The following PCNX2 variants were observed in gnomAD, a reference collection of about 807,000 sequenced individuals.
PCNX2 encodes pecanex 2.
Under a neutral mutation model 223.8 loss-of-function variants are expected in PCNX2, and 168 were observed. The ratio of observed to expected loss-of-function variants is 0.75; its 90% CI spans 0.66 to 0.85. PCNX2 has a LOEUF of 0.85. Among genes scored for constraint, PCNX2 ranks in the 40% least tolerant of loss-of-function variants. The pLI is 0.00. For synonymous variants in PCNX2, 1,006 were observed against 1,052.6 expected (o/e 0.96, Z 0.86); for missense variants, 2,507 against 2,675.5 (o/e 0.94, Z 1.39).
Position 232,986,338 on chromosome 1 carries a change from G to A in PCNX2, c.5994C>T (p.Pro1998=), listed in dbSNP as rs1174722167. Residue 1998 remains proline (P), a synonymous_variant, in exon 33 of 34, where the codon CCC becomes CCT. Coordinates refer to ENST00000258229, the MANE Select transcript of PCNX2 (RefSeq NM_014801.4). The part of the protein sequence containing the change: ...HASATSLHSQ[P]PPVTTTGHLS... ...GGTGGCCGGTGGTGGTGACGGGCGG[G>A]GGCTGAGAGTGCAGGGACGTGGCCG... 5 of 1,596,688 alleles carry A rather than the reference G, an allele frequency of 3.1e-6. No individual in the cohort carries two copies. Among genetic ancestry groups the A allele is most frequent in the Non-Finnish European group, 1.7e-6 (2 of 1,172,364 alleles).
chr1:233,213,787 G>A (rs1264234388), intron 12 of PCNX2, among the ~76,000 whole-genome samples: 2 of 148,056 alleles, frequency 1.4e-5, no homozygotes, highest in African/African-American at 5.0e-5. Context: ...GCCTGCACCA[G>A]GCATATTACA....
chr1:233,039,143 C>T (rs1671558872), intron 25 of PCNX2, among the ~76,000 whole-genome samples: 1 of 152,188 alleles, frequency 6.6e-6, no homozygotes, highest in Non-Finnish European at 1.5e-5. Context: ...AGAATGAATT[C>T]TGGTAAAACC....
At chr1:233,142,355 T>C (rs982101992) in intron 19 of PCNX2, among the ~76,000 whole-genome samples, 2 of 152,196 alleles carry the variant, frequency 1.3e-5, no homozygotes, top group South Asian at 4.1e-4. Flanking sequence ...AAATAAAGTC[T>C]ATGAGGTACA....
chr1:233,286,825 T>G (rs574987143), intron 1 of PCNX2, among the ~76,000 whole-genome samples: 1 of 151,856 alleles, frequency 6.6e-6, no homozygotes, highest in Admixed American at 6.6e-5. Flanking sequence ...GCCAAGGACA[T>G]CAGAAACATC....
chr1:232,986,611 GGTGGCCT>G, intron 32 of PCNX2, 71 bp from the exon 33 acceptor site: 1 of 1,390,296 alleles, frequency 7.2e-7, no homozygotes, highest in Non-Finnish European at 9.5e-7. Flanking sequence ...TGGTGCAGCA[GGTGGCCT>G]GCTCTGCCTG....
At chr1:233,134,291 T>C (rs1676679643) in intron 21 of PCNX2, among the ~76,000 whole-genome samples, 3 of 152,270 alleles carry the variant, frequency 2.0e-5, no homozygotes, top group Admixed American at 1.3e-4. Context: ...TTCATTACAG[T>C]GATCAGGCTA....
intron 23 of PCNX2, among the ~76,000 whole-genome samples, chr1:233,075,014 C>A (rs1025735978): frequency 1.3e-5 from 2 of 151,980 alleles, no homozygotes; most frequent in Non-Finnish European, 2.9e-5. Flanking sequence ...AGTTTTACAG[C>A]TTCTTTAAAA....
chr1:233,300,038 A>G (rs1007019320), upstream of PCNX2, among the ~76,000 whole-genome samples: 1 of 151,910 alleles, frequency 6.6e-6, no homozygotes, highest in African/African-American at 2.4e-5. Context: ...TTCTTTGCAT[A>G]CTGCATGTTT....
chr1:233,082,985 G>A (rs765871140), intron 23 of PCNX2, among the ~76,000 whole-genome samples: 7 of 152,134 alleles, frequency 4.6e-5, no homozygotes, highest in African/African-American at 9.7e-5. Flanking sequence ...AGTTGAGAGC[G>A]GAAACGTAAA....
chr1:233,115,817 C>A (rs777926154), intron 21 of PCNX2, among the ~76,000 whole-genome samples: 2 of 152,034 alleles, frequency 1.3e-5, no homozygotes, highest in Non-Finnish European at 2.9e-5. Context: ...ACTACCATAT[C>A]AATGATTACA....
intron 21 of PCNX2, among the ~76,000 whole-genome samples, chr1:233,117,765 C>T (rs1045524524): frequency 6.6e-6 from 1 of 151,768 alleles, no homozygotes; most frequent in Non-Finnish European, 1.5e-5. Flanking sequence ...AATCCCAGCA[C>T]TTTGGGAGGC....
intron 25 of PCNX2, among the ~76,000 whole-genome samples, chr1:233,044,728 G>A (rs1671768709): frequency 6.6e-6 from 1 of 151,848 alleles, no homozygotes; most frequent in Non-Finnish European, 1.5e-5. Context: ...GGGTGCAATG[G>A]CGTGATCTTG....
At chr1:233,084,170 G>A (rs1572086065) in intron 23 of PCNX2, among the ~76,000 whole-genome samples, 1 of 152,154 alleles carries the variant, frequency 6.6e-6, no homozygotes, top group Non-Finnish European at 1.5e-5. Flanking sequence ...ACACCTAACC[G>A]AGCGTATGTG....
chr1:233,081,994 T>TTGTGTGTG lies in PCNX2; in HGVS notation c.4076+8059_4076+8066dup, dbSNP rs57675075. Among the ~76,000 whole-genome samples, 65 of 148,382 alleles carry TTGTGTGTG rather than the reference T, an allele frequency of 4.4e-4. 1 individual carries two copies. Among genetic ancestry groups the TTGTGTGTG allele is most frequent in the African/African-American group, 1.5e-3 (59 of 40,572 alleles). ...GCATTAACTGGCATTCTGTGTGTGT[T>TTGTGTGTG]TGTGTGTGTGTGTGTGTGTGTGTGT... is the stretch of plus-strand genomic sequence containing the variant. On this transcript the variant is annotated intron_variant, in intron 23 of 33. Coordinates refer to ENST00000258229, the MANE Select transcript of PCNX2 (RefSeq NM_014801.4).
rs1659568250 is a variant in PCNX2 at position 233,253,457 on chromosome 1, ATC to A, written c.1835-671_1835-670del. 6.6e-6 allele frequency among the ~76,000 whole-genome samples: 1 copy of A among 152,106 alleles called. No individual in the cohort carries two copies. The highest frequency in any genetic ancestry group is 1.5e-5 in the Non-Finnish European group (1 of 68,024). On this transcript the variant is annotated intron_variant, in intron 5 of 33. Transcript: ENST00000258229. This position sits in a 1 kb window ranked among gnomAD's most constrained non-coding sequence, Gnocchi z 4.2. ...CCTCTTGGGCACAAGTGACTCTCCT[ATC>A]TCTGCCTCCCAAGCAGCTGGGATGA... is the stretch of plus-strand genomic sequence containing the variant.
chr1:233,267,008 T>A (rs1031549825), intron 1 of PCNX2, among the ~76,000 whole-genome samples: 9 of 152,016 alleles, frequency 5.9e-5, no homozygotes, highest in Admixed American at 5.9e-4. Context: ...ACTCTGTTTT[T>A]TTTTCTCTCT....
At chr1:233,167,674 A>T in intron 17 of PCNX2, 1 of 900,924 alleles carries the variant, frequency 1.1e-6, no homozygotes, top group Non-Finnish European at 1.3e-6. Flanking sequence ...ATTGTGTTAT[A>T]TACTTTAAAT....
At chr1:233,108,523 T>C (rs1571882149) in intron 21 of PCNX2, among the ~76,000 whole-genome samples, 1 of 152,180 alleles carries the variant, frequency 6.6e-6, no homozygotes, top group East Asian at 1.9e-4. Context: ...TACAGGGTGT[T>C]CACAGAAAAG....
intron 17 of PCNX2, among the ~76,000 whole-genome samples, chr1:233,165,452 C>T (rs1678735262): frequency 6.6e-6 from 1 of 152,128 alleles, no homozygotes; most frequent in Non-Finnish European, 1.5e-5. Flanking sequence ...CCCCCAACCT[C>T]CACTTCCCTG....
Sources: allele counts gnomAD v4.1 joint callset (sites outside exome capture counted in the v4.1 genomes callset), GRCh38; gene constraint gnomAD v4.1.1; non-coding constraint Gnocchi (gnomAD v3.1); transcripts MANE v1.5; gene names NCBI Gene and HGNC (gene_info 2026-07-23, HGNC 2026-07-21).